The following SLC9A9 variants were observed in gnomAD, a reference collection of about 807,000 sequenced individuals.
SLC9A9 encodes the protein sodium/hydrogen exchanger 9.
In SLC9A9, 62 loss-of-function variants were observed where a neutral mutation model predicts 77.8. The observed-to-expected ratio is 0.80, with a 90% CI of 0.65 to 0.98. SLC9A9 has a LOEUF of 0.98. SLC9A9 is among the 50% of genes least tolerant of loss of function. The pLI is 0.00. For synonymous variants in SLC9A9, 320 were observed against 283.5 expected (o/e 1.13, Z -1.29); for missense variants, 775 against 774.9 (o/e 1.00, Z 0.00).
intron 1 of SLC9A9, among the ~76,000 whole-genome samples, chr3:143,842,467 CCT>C (rs938967304): frequency 6.6e-6 from 1 of 152,132 alleles, no homozygotes; most frequent in Admixed American, 6.5e-5. Context: ...CATTATTTTC[CCT>C]GTCTCTGGCA....
intron 14 of SLC9A9, among the ~76,000 whole-genome samples, chr3:143,358,500 A>G (rs2032652928): frequency 1.3e-5 from 2 of 152,216 alleles, no homozygotes; most frequent in Admixed American, 1.3e-4. Flanking sequence ...TATTTTGGAA[A>G]GGTCATTCTT....
intron 9 of SLC9A9, among the ~76,000 whole-genome samples, chr3:143,533,807 A>C (rs1338287235): frequency 2.0e-5 from 3 of 152,224 alleles, no homozygotes; most frequent in African/African-American, 7.2e-5. Flanking sequence ...ATTTATGAAA[A>C]GCTCTATGCA....
At chr3:143,572,834 G>C (rs1052494577) in intron 8 of SLC9A9, among the ~76,000 whole-genome samples, 15 of 152,292 alleles carry the variant, frequency 9.8e-5, no homozygotes, top group African/African-American at 3.4e-4. Flanking sequence ...TTACTAAAAA[G>C]ATTTGCCATG....
intron 14 of SLC9A9, among the ~76,000 whole-genome samples, chr3:143,339,526 TC>T (rs11291003): frequency 0.52 from 79,380 of 151,752 alleles, 22,166 homozygotes; most frequent in African/African-American, 0.72. Flanking sequence ...TATGTTACAT[TC>T]CCCCCCTTCT....
chr3:143,378,178 C>A (rs1200750870), intron 13 of SLC9A9, among the ~76,000 whole-genome samples: 1 of 152,152 alleles, frequency 6.6e-6, no homozygotes, highest in Non-Finnish European at 1.5e-5. Context: ...AGAGTATATA[C>A]TCTGGGAGGA....
Position 143,683,396 on chromosome 3 carries a change from T to C in SLC9A9, c.649+9796A>G, listed in dbSNP as rs138445651. The stretch of plus-strand genomic sequence containing the variant: ...AGTGACAAATCCAGAATGTGGTACA[T>C]CTTGTAGAACTGACCCAATTTTCTC... On this transcript the variant is annotated intron_variant, in intron 5 of 15. Transcript: ENST00000316549. 4.4e-3 allele frequency among the ~76,000 whole-genome samples: 665 copies of C among 152,254 alleles called. 3 individuals carry two copies. The highest frequency in any genetic ancestry group is 0.015 in the African/African-American group (612 of 41,558).
chr3:143,673,206 T>C (rs907805847), intron 5 of SLC9A9, among the ~76,000 whole-genome samples: 8 of 152,198 alleles, frequency 5.3e-5, no homozygotes, highest in Non-Finnish European at 8.8e-5. Flanking sequence ...TATACATTTC[T>C]CCAGTGCTTC....
At chr3:143,707,868 A>G (rs1249134418) in intron 4 of SLC9A9, among the ~76,000 whole-genome samples, 1 of 152,108 alleles carries the variant, frequency 6.6e-6, no homozygotes, top group Non-Finnish European at 1.5e-5. Flanking sequence ...ACCCTGAGAC[A>G]TTTAGAACAA....
intron 5 of SLC9A9, among the ~76,000 whole-genome samples, chr3:143,688,942 A>AAT (rs1553780128): frequency 6.0e-5 from 9 of 151,050 alleles, no homozygotes; most frequent in African/African-American, 1.2e-4. Flanking sequence ...AAATAGAAAA[A>AAT]ATATATATAT....
At chr3:143,482,396 T>C (rs867916787) in intron 11 of SLC9A9, among the ~76,000 whole-genome samples, 2 of 152,222 alleles carry the variant, frequency 1.3e-5, no homozygotes, top group Admixed American at 1.3e-4. Context: ...GGTGACATTT[T>C]ACCGGTTAAA....
At chr3:143,625,938 A>T (rs922580429) in intron 6 of SLC9A9, among the ~76,000 whole-genome samples, 4 of 152,234 alleles carry the variant, frequency 2.6e-5, no homozygotes, top group African/African-American at 9.6e-5. Context: ...AACCAACCCC[A>T]TCAAAATGTG....
chr3:143,776,748 C>T (rs566995370), intron 4 of SLC9A9, among the ~76,000 whole-genome samples: 1 of 152,132 alleles, frequency 6.6e-6, no homozygotes, highest in Non-Finnish European at 1.5e-5. Context: ...AGAACAGAAT[C>T]TTTTCAACCA....
intron 12 of SLC9A9, among the ~76,000 whole-genome samples, chr3:143,409,892 G>A (rs748706292): frequency 3.3e-5 from 5 of 152,186 alleles, no homozygotes; most frequent in Non-Finnish European, 5.9e-5. Context: ...AACAGCAGGA[G>A]AAGAAGGACA....
chr3:143,400,500 A>G (rs903430174), intron 12 of SLC9A9, among the ~76,000 whole-genome samples: 1 of 152,118 alleles, frequency 6.6e-6, no homozygotes, highest in African/African-American at 2.4e-5. Flanking sequence ...ACAAAAAAGC[A>G]TATGAATGAT....
At chr3:143,821,311 G>T (rs1440679618) in intron 2 of SLC9A9, among the ~76,000 whole-genome samples, 1 of 152,148 alleles carries the variant, frequency 6.6e-6, no homozygotes, top group Non-Finnish European at 1.5e-5. Flanking sequence ...TTTATAACTT[G>T]CCTAACTTTA....
intron 6 of SLC9A9, chr3:143,627,470 A>C (rs887919536): frequency 9.0e-6 from 2 of 222,530 alleles, no homozygotes; most frequent in East Asian, 2.2e-4. Flanking sequence ...GTCTTGCCAC[A>C]GGCAAAGCCC....
At chr3:143,455,862 T>C (rs2035082287) in intron 12 of SLC9A9, among the ~76,000 whole-genome samples, 1 of 151,838 alleles carries the variant, frequency 6.6e-6, no homozygotes, top group Admixed American at 6.6e-5. Flanking sequence ...TGGGCACTTT[T>C]ATTTCTCTCT....
intron 4 of SLC9A9, among the ~76,000 whole-genome samples, chr3:143,706,761 T>C (rs1388675650): frequency 1.3e-5 from 2 of 152,240 alleles, no homozygotes; most frequent in Admixed American, 6.5e-5. Context: ...TAGCTTTGAA[T>C]GTGGTCCAAC....
intron 5 of SLC9A9, among the ~76,000 whole-genome samples, chr3:143,672,317 G>A (rs964444628): frequency 2.0e-5 from 3 of 152,074 alleles, no homozygotes; most frequent in Non-Finnish European, 4.4e-5. Context: ...GGCAGAGAGG[G>A]CCAGAAGGTG....
Sources: allele counts gnomAD v4.1 joint callset (sites outside exome capture counted in the v4.1 genomes callset), GRCh38; gene constraint gnomAD v4.1.1; transcripts MANE v1.5; gene names NCBI Gene and HGNC (gene_info 2026-07-23, HGNC 2026-07-21).